The following PPP2R3A variants were observed in gnomAD, a reference collection of about 807,000 sequenced individuals.
PPP2R3A encodes the protein protein phosphatase 2 regulatory subunit B''alpha.
A neutral mutation model predicts 106.9 loss-of-function variants in PPP2R3A; 80 were observed. That is an observed-to-expected ratio of 0.75 (90% CI 0.62 to 0.90). The LOEUF (loss-of-function observed/expected upper bound fraction) is 0.90, where lower values mean the gene tolerates loss of function less well. Ranked by LOEUF, PPP2R3A falls within the 40% of genes least tolerant of loss-of-function variation. The pLI, the probability that PPP2R3A is intolerant of heterozygous loss-of-function variation, is 0.00. For synonymous variants in PPP2R3A, 483 were observed against 468.3 expected (o/e 1.03, Z -0.41); for missense variants, 1,386 against 1,350.4 (o/e 1.03, Z -0.41).
intron 9 of PPP2R3A, among the ~76,000 whole-genome samples, chr3:136,090,187 G>A (rs555101949): frequency 6.6e-6 from 1 of 152,244 alleles, no homozygotes; most frequent in South Asian, 2.1e-4. Flanking sequence ...TTGTTCTTAA[G>A]GGGATTGCTT....
At chr3:135,999,735 C>T (rs565923183) in intron 1 of PPP2R3A, among the ~76,000 whole-genome samples, 2 of 152,108 alleles carry the variant, frequency 1.3e-5, no homozygotes, top group African/African-American at 2.4e-5. Context: ...CAAGATGACT[C>T]GTGAAAAGTT....
chr3:136,101,292 C>G (rs1015977510), intron 10 of PPP2R3A, among the ~76,000 whole-genome samples: 1 of 152,156 alleles, frequency 6.6e-6, no homozygotes, highest in Non-Finnish European at 1.5e-5. Flanking sequence ...ATTATAAATT[C>G]TGAATGTTGA....
At position 136,023,094 on chromosome 3, in the gene PPP2R3A, C is replaced by T. The variant is rs753407993; in HGVS notation, c.1996-3738C>T. The stretch of plus-strand genomic sequence containing the variant: ...GATGATGATCAAGGAAACATCTCTA[C>T]GAAGGGACCCGGATTTAAGGGGAGA... On this transcript the variant is annotated intron_variant, in intron 2 of 13. Transcript: ENST00000264977. The T allele has an allele frequency of 1.7e-5, 27 of 1,613,230 alleles. No homozygotes were observed. In the South Asian group the frequency reaches 2.1e-4, roughly 12 times the overall value.
chr3:136,120,262 T>G (rs1937942997), intron 13 of PPP2R3A, among the ~76,000 whole-genome samples: 1 of 152,086 alleles, frequency 6.6e-6, no homozygotes, highest in Admixed American at 6.5e-5. Flanking sequence ...ATTCTGTACA[T>G]GTACCCCAGA....
At chr3:136,079,290 T>C (rs973231526) in intron 7 of PPP2R3A, 1 of 364,540 alleles carries the variant, frequency 2.7e-6, no homozygotes, top group African/African-American at 2.1e-5. Flanking sequence ...GTAGGTAATA[T>C]GGGATGGGTT....
intron 7 of PPP2R3A, 54 bp downstream of exon 7, chr3:136,078,507 C>G: frequency 8.6e-7 from 1 of 1,158,332 alleles, no homozygotes; most frequent in Non-Finnish European, 1.3e-6. Flanking sequence ...AATTTTCTTA[C>G]TTTATTTAAC....
chr3:136,096,743 A>G (rs1437547350), intron 10 of PPP2R3A, among the ~76,000 whole-genome samples: 3 of 152,200 alleles, frequency 2.0e-5, no homozygotes, highest in Non-Finnish European at 4.4e-5. Context: ...AGCATACAGG[A>G]GTTTATATTA....
In PPP2R3A at chr3:136,146,308, A is replaced by G. The variant is rs1423650729; in HGVS notation, c.*1142A>G. ...TTGAAAAGAAACTATTAAAAAGGAT[A>G]GACATTTCTGATGTAAGTAAAACCC... On this transcript the variant is annotated 3_prime_UTR_variant, in exon 14 of 14. Transcript: ENST00000264977. 6.6e-5 allele frequency: 10 copies of G among 152,242 alleles called. No homozygotes were observed. Among genetic ancestry groups the G allele is most frequent in the Non-Finnish European group, 7.3e-5 (5 of 68,038 alleles). The allele number at this position is 152,242 out of a possible 1,614,324, so 9.4% of individuals were successfully genotyped here.
At position 136,119,024 on chromosome 3, in the gene PPP2R3A, T is replaced by C. The variant is rs527604968; in HGVS notation, c.3329+12702T>C. On this transcript the variant is annotated intron_variant, in intron 13 of 13. Coordinates refer to ENST00000264977, the MANE Select transcript of PPP2R3A (RefSeq NM_002718.5). ...CATGATACTGGTACCAAAACAGATATATAAACCAATGGAACAGAACAGAGG... is the reference window on the plus strand; with the variant it reads ...CATGATACTGGTACCAAAACAGATACATAAACCAATGGAACAGAACAGAGG... Among the ~76,000 whole-genome samples, 22 of 152,188 alleles carry C rather than the reference T, an allele frequency of 1.4e-4. No individual in the cohort carries two copies. In the South Asian group the frequency reaches 3.9e-3, roughly 27 times the overall value.
intron 13 of PPP2R3A, among the ~76,000 whole-genome samples, chr3:136,140,895 G>A (rs1443423949): frequency 6.6e-6 from 1 of 152,230 alleles, no homozygotes; most frequent in Non-Finnish European, 1.5e-5. Flanking sequence ...GACAGAGCGA[G>A]ACTCTGTCTC....
At chr3:135,973,387 T>G (rs1937298962) in intron 1 of PPP2R3A, among the ~76,000 whole-genome samples, 1 of 152,182 alleles carries the variant, frequency 6.6e-6, no homozygotes, top group South Asian at 2.1e-4. Context: ...CCGCATAGAT[T>G]GATGTCCTTC....
chr3:135,990,901 CG>C (rs1055577403), intron 1 of PPP2R3A, among the ~76,000 whole-genome samples: 2 of 152,078 alleles, frequency 1.3e-5, no homozygotes, highest in African/African-American at 4.8e-5. Context: ...TGTAACCTCT[CG>C]GGGGCTTTCT....
intron 9 of PPP2R3A, 90 bp from the exon 10 acceptor site, chr3:136,090,488 T>G (rs1937069510): frequency 9.5e-7 from 1 of 1,049,644 alleles, no homozygotes; most frequent in Admixed American, 2.3e-5. Context: ...AAATTTTAAC[T>G]GACATACTAC....
At chr3:136,051,079 G>C (rs1453867594) in intron 5 of PPP2R3A, among the ~76,000 whole-genome samples, 1 of 152,124 alleles carries the variant, frequency 6.6e-6, no homozygotes, top group African/African-American at 2.4e-5. Context: ...TTCTACTATA[G>C]CATTCTTCAT....
intron 2 of PPP2R3A, among the ~76,000 whole-genome samples, chr3:136,021,990 C>G (rs56722014): frequency 0.062 from 9,364 of 151,968 alleles, 990 homozygotes; most frequent in African/African-American, 0.21. Flanking sequence ...GATTTTGGTC[C>G]GTGGAGGGTC....
At chr3:136,131,405 T>C (rs1337733517) in intron 13 of PPP2R3A, among the ~76,000 whole-genome samples, 1 of 152,074 alleles carries the variant, frequency 6.6e-6, no homozygotes, top group Non-Finnish European at 1.5e-5. Context: ...AACAGACACA[T>C]GAAAAAATGC....
chr3:136,086,501 C>T (rs1248201202), intron 8 of PPP2R3A, among the ~76,000 whole-genome samples: 1 of 152,058 alleles, frequency 6.6e-6, no homozygotes, highest in Non-Finnish European at 1.5e-5. Context: ...CATAATTATC[C>T]ACTCACCAGA....
chr3:136,042,691 A>G (rs1016597796), intron 4 of PPP2R3A, among the ~76,000 whole-genome samples: 3 of 152,226 alleles, frequency 2.0e-5, no homozygotes, highest in Admixed American at 1.3e-4. Flanking sequence ...TTGCTTATGA[A>G]GTTATATAGC....
intron 1 of PPP2R3A, among the ~76,000 whole-genome samples, chr3:135,977,297 A>G (rs1288865072): frequency 6.6e-6 from 1 of 152,236 alleles, no homozygotes; most frequent in East Asian, 1.9e-4. Flanking sequence ...GAATTAGATT[A>G]TAAATTGCTC....
Sources: allele counts gnomAD v4.1 joint callset (sites outside exome capture counted in the v4.1 genomes callset), GRCh38; gene constraint gnomAD v4.1.1; transcripts MANE v1.5; gene names NCBI Gene and HGNC (gene_info 2026-07-23, HGNC 2026-07-21).